The following COA1 variants were observed in gnomAD, a reference collection of about 807,000 sequenced individuals.
The protein encoded by COA1 is cytochrome c oxidase assembly factor 1.
A neutral mutation model predicts 16.0 loss-of-function variants in COA1; 13 were observed. The observed-to-expected ratio is 0.81, with a 90% confidence interval of 0.53 to 1.29. The LOEUF is 1.29. Among genes scored for constraint, COA1 ranks in the 50% most tolerant of loss-of-function variants. The probability of loss-of-function intolerance (pLI) is 0.00; values close to 1 mark genes in which losing one functional copy is unlikely to be tolerated. For synonymous variants in COA1, 65 were observed against 65.7 expected, an observed-to-expected ratio of 0.99 and a Z score of 0.05; for missense variants, 179 against 177.0, an observed-to-expected ratio of 1.01 and a Z score of -0.06.
intron 1 of COA1, among the ~76,000 whole-genome samples, chr7:43,710,640 C>A (rs2095214410): frequency 6.6e-6 from 1 of 152,024 alleles, no homozygotes; most frequent in Admixed American, 6.6e-5. Flanking sequence ...AGGTGCTTGA[C>A]ATAAACTATC....
At chr7:43,708,620 C>A (rs2095092038) in intron 1 of COA1, among the ~76,000 whole-genome samples, 1 of 152,138 alleles carries the variant, frequency 6.6e-6, no homozygotes, top group South Asian at 2.1e-4. Flanking sequence ...GGCACCTTTT[C>A]TTATTTTTAC....
rs566360962 is a variant in COA1, at chr7:43,657,105, T to C, written c.-38-8453A>G. 4.6e-5 allele frequency: 7 copies of C among 152,330 alleles called. 1 individual carries two copies. In the East Asian group the frequency reaches 7.7e-4, roughly 17 times the overall value. 9.4% of individuals were successfully genotyped at this position (152,330 alleles called of 1,614,324 possible). A position where few individuals can be genotyped will look rare whatever the true frequency, so the allele number is the denominator to read the frequency against. On this transcript the variant is annotated intron_variant, in intron 1 of 5. Coordinates refer to ENST00000223336, the MANE Select transcript of COA1 (RefSeq NM_018224.4). ...ACAGAGAATTTGAGTAATATAGTTT[T>C]TACCTTGCAAAGTACAACATGTGTG...
intron 1 of COA1, among the ~76,000 whole-genome samples, chr7:43,677,160 A>C (rs1280983858): frequency 6.6e-6 from 1 of 152,138 alleles, no homozygotes; most frequent in Non-Finnish European, 1.5e-5. Context: ...GAATATTAGA[A>C]GAAAGTTCAT....
chr7:43,702,814 C>T (rs972784527), intron 1 of COA1, among the ~76,000 whole-genome samples: 12 of 152,148 alleles, frequency 7.9e-5, no homozygotes, highest in African/African-American at 2.4e-4. Flanking sequence ...CTTTTGGTTT[C>T]GTTGGTCTTT....
intron 1 of COA1, among the ~76,000 whole-genome samples, chr7:43,717,057 C>T (rs558307496): frequency 1.8e-4 from 27 of 152,308 alleles, no homozygotes; most frequent in African/African-American, 5.1e-4. Flanking sequence ...AAGTCTGCTG[C>T]GGGGTGGGGC....
downstream of COA1, among the ~76,000 whole-genome samples, chr7:43,635,941 ATTT>A (rs1202174024): frequency 1.3e-4 from 20 of 152,098 alleles, no homozygotes; most frequent in African/African-American, 4.1e-4. Flanking sequence ...GCGGCTTATT[ATTT>A]AATAATAAAA....
At chr7:43,628,786 A>G (rs2084879558) in intron 6 of COA1, among the ~76,000 whole-genome samples, 2 of 152,190 alleles carry the variant, frequency 1.3e-5, no homozygotes, top group African/African-American at 2.4e-5. Flanking sequence ...TGTCAGATTT[A>G]TGTGTCACAT....
At position 43,627,396 on chromosome 7, in the gene COA1, C is replaced by T. The variant is rs139891049; in HGVS notation, c.*133+12053G>A. 5.8e-4 allele frequency among the ~76,000 whole-genome samples: 89 copies of T among 152,226 alleles called. 1 individual carries two copies. Among genetic ancestry groups the T allele is most frequent in the Non-Finnish European group, 3.7e-4 (25 of 68,010 alleles). ...TAAAGATCACTTAGAGAATGTGAGA[C>T]AGAACATGAATTATAGTCCTCAGTA... is the stretch of plus-strand genomic sequence containing the variant. On this transcript the variant is annotated intron_variant and NMD_transcript_variant, in intron 6 of 6. Transcript: ENST00000415076.
chr7:43,691,381 A>AAGGG (rs1563384426), intron 1 of COA1, among the ~76,000 whole-genome samples: 13 of 76,700 alleles, frequency 1.7e-4, no homozygotes, highest in Non-Finnish European at 2.5e-4. Context: ...GGGAGGGAGG[A>AAGGG]AGGAAGGAAG....
At position 43,692,591 on chromosome 7, in the gene COA1, C is replaced by A. The variant is rs372422820; in HGVS notation, c.-39+36838G>T. On this transcript the variant is annotated intron_variant, in intron 1 of 5. Transcript: ENST00000223336. ...AGAAAGGACAGTGGACAGAAAGGGG[C>A]ACAAGTGCAACTTCTGGCTATTAGA... 2.6e-4 allele frequency among the ~76,000 whole-genome samples: 39 copies of A among 152,106 alleles called. No individual in the cohort carries two copies. The East Asian group carries it at 6.4e-3, about 25-fold the overall frequency.
chr7:43,691,429 G>GAAATAAAT (rs796708212), intron 1 of COA1, among the ~76,000 whole-genome samples: 1 of 58,680 alleles, frequency 1.7e-5, no homozygotes, highest in Non-Finnish European at 3.5e-5. Context: ...GAAAAAGAAA[G>GAAATAAAT]AAAGAAAGAA....
At chr7:43,644,025 C>T (rs1025384821) in intron 4 of COA1, among the ~76,000 whole-genome samples, 3 of 152,166 alleles carry the variant, frequency 2.0e-5, no homozygotes, top group African/African-American at 7.2e-5. Context: ...CCCTGGTGGC[C>T]GCAGCCCCTC....
chr7:43,683,699 C>T (rs150244126), intron 1 of COA1, among the ~76,000 whole-genome samples: 195 of 152,240 alleles, frequency 1.3e-3, no homozygotes, highest in African/African-American at 4.5e-3. Flanking sequence ...AGTACCTTTA[C>T]TATGTGCCAG....
In COA1 at chr7:43,624,799, A is replaced by C. The variant is rs963663218; in HGVS notation, c.*133+14650T>G. On this transcript the variant is annotated intron_variant and NMD_transcript_variant, in intron 6 of 6. Coordinates refer to the COA1 transcript ENST00000415076. ...GCCATTTCCAAACGATTTAAATTTGAGGAACCTTTGCTACAAGAAATTCCA... is the reference window on the plus strand; with the variant it reads ...GCCATTTCCAAACGATTTAAATTTGCGGAACCTTTGCTACAAGAAATTCCA... 9 of 1,608,922 alleles carry C rather than the reference A, an allele frequency of 5.6e-6. No homozygotes were observed. Among genetic ancestry groups the C allele is most frequent in the African/African-American group, 2.7e-5 (2 of 74,692 alleles).
intron 1 of COA1, among the ~76,000 whole-genome samples, chr7:43,680,407 C>T (rs2093714310): frequency 6.6e-6 from 1 of 151,926 alleles, no homozygotes; most frequent in Non-Finnish European, 1.5e-5. Flanking sequence ...AACACTTTAT[C>T]AGTTAGTGGC....
intron 1 of COA1, among the ~76,000 whole-genome samples, chr7:43,710,348 C>CAAAAA (rs1165121530): frequency 2.7e-4 from 14 of 52,446 alleles, no homozygotes; most frequent in South Asian, 7.5e-4. Context: ...GACTCTGTCT[C>CAAAAA]AAAAAAAAAA....
chr7:43,695,291 T>A (rs2094493942), intron 1 of COA1, among the ~76,000 whole-genome samples: 1 of 151,854 alleles, frequency 6.6e-6, no homozygotes, highest in Non-Finnish European at 1.5e-5. Flanking sequence ...CTATGGCCTC[T>A]CTATTGTCTC....
chr7:43,709,338 T>A (rs1209133675), intron 1 of COA1, among the ~76,000 whole-genome samples: 1 of 152,064 alleles, frequency 6.6e-6, no homozygotes, highest in Non-Finnish European at 1.5e-5. Context: ...TCTCCTATAA[T>A]CTTTACTGTT....
chr7:43,713,313 C>T (rs533857641), intron 1 of COA1, among the ~76,000 whole-genome samples: 193 of 152,268 alleles, frequency 1.3e-3, no homozygotes, highest in Non-Finnish European at 2.2e-3. Flanking sequence ...CATCATCTCA[C>T]GCACTTATCA....
Sources: gnomAD v4.1 joint callset for allele counts (sites outside exome capture counted in the v4.1 genomes callset) on GRCh38, gnomAD v4.1.1 for gene constraint, MANE v1.5 for transcripts, NCBI Gene and HGNC (gene_info 2026-07-23, HGNC 2026-07-21) for gene names.